The following DPP10 variants were observed in gnomAD, a reference collection of about 807,000 sequenced individuals.
DPP10 encodes the protein inactive dipeptidyl peptidase 10.
A neutral mutation model predicts 120.9 loss-of-function variants in DPP10; 33 were observed. That is an observed-to-expected ratio of 0.27 (90% confidence interval 0.21 to 0.37). The LOEUF (loss-of-function observed/expected upper bound fraction) is 0.37. Among genes scored for constraint, DPP10 ranks in the 10% least tolerant of loss-of-function variants. DPP10 has a pLI of 1.00. For missense variants in DPP10, 816 were observed against 942.8 expected (o/e 0.87, Z 1.76); for synonymous variants, 337 against 326.1 (o/e 1.03, Z -0.36).
At chr2:115,133,145 GTATATATATATATATA>G (rs1246180843) in intron 1 of DPP10, among the ~76,000 whole-genome samples, 1 of 28,760 alleles carries the variant, frequency 3.5e-5, no homozygotes, top group African/African-American at 1.3e-4. Flanking sequence ...GTGTGTGTGT[GTATATATATATATATA>G]TATATATATA....
chr2:114,701,913 C>CT (rs1222095464), intron 1 of DPP10, among the ~76,000 whole-genome samples: 2 of 152,064 alleles, frequency 1.3e-5, no homozygotes, highest in Non-Finnish European at 2.9e-5. Flanking sequence ...CAAATCAGCG[C>CT]AAGCCTAGAG....
chr2:115,327,316 A>C (rs2062427462), intron 2 of DPP10, among the ~76,000 whole-genome samples: 2 of 152,044 alleles, frequency 1.3e-5, no homozygotes, highest in Admixed American at 6.6e-5. Context: ...ATTCCTCAGA[A>C]CATATCCCTG....
In DPP10 at chr2:115,742,567, A is replaced by G. The variant is rs578183958; in HGVS notation, c.852+2674A>G. On this transcript the variant is annotated intron_variant, in intron 9 of 25. Coordinates refer to ENST00000410059, the MANE Select transcript of DPP10 (RefSeq NM_020868.6). ...ACCTGCTCACCTACCCAGGTACTTA[A>G]GACAATAGGACTCTAAGAAAATAAT... 5.3e-5 allele frequency among the ~76,000 whole-genome samples: 8 copies of G among 152,258 alleles called. No homozygotes were observed. In the East Asian group the frequency reaches 1.2e-3, roughly 22 times the overall value.
chr2:115,554,906 C>T (rs1393313049), intron 5 of DPP10, among the ~76,000 whole-genome samples: 2 of 152,066 alleles, frequency 1.3e-5, no homozygotes, highest in Non-Finnish European at 2.9e-5. Flanking sequence ...ACTCCTGACA[C>T]ATTGGGTTGA....
intron 3 of DPP10, among the ~76,000 whole-genome samples, chr2:115,495,045 ACT>A (rs2076320057): frequency 6.6e-6 from 1 of 152,126 alleles, no homozygotes; most frequent in African/African-American, 2.4e-5. Context: ...TTCTCAGAAG[ACT>A]CACAGCATAA....
chr2:114,515,959 C>T (rs1467444517), intron 1 of DPP10, among the ~76,000 whole-genome samples: 1 of 152,114 alleles, frequency 6.6e-6, no homozygotes, highest in African/African-American at 2.4e-5. Flanking sequence ...TCTCTATCTG[C>T]CAAAAGTCTC....
intron 5 of DPP10, among the ~76,000 whole-genome samples, chr2:115,625,016 T>C (rs919737245): frequency 1.3e-5 from 2 of 151,392 alleles, no homozygotes; most frequent in African/African-American, 4.9e-5. Context: ...TTCTCTATCT[T>C]CCCCAGGGAG....
chr2:114,898,003 T>C (rs1023907269), intron 1 of DPP10, among the ~76,000 whole-genome samples: 1 of 152,214 alleles, frequency 6.6e-6, no homozygotes, highest in East Asian at 1.9e-4. Context: ...ACTGGGTGTA[T>C]ACCCAAAGGA....
At chr2:114,805,481 C>T (rs1684645524) in intron 1 of DPP10, among the ~76,000 whole-genome samples, 1 of 152,126 alleles carries the variant, frequency 6.6e-6, no homozygotes, top group Non-Finnish European at 1.5e-5. Context: ...GGTTACCTGT[C>T]CCCTGCAGCA....
At chr2:114,474,138 C>T (rs1462912361) in intron 1 of DPP10, among the ~76,000 whole-genome samples, 2 of 152,098 alleles carry the variant, frequency 1.3e-5, no homozygotes, top group African/African-American at 4.8e-5. Flanking sequence ...TTTATATCTT[C>T]AGTAGAGATA....
intron 2 of DPP10, among the ~76,000 whole-genome samples, chr2:115,316,224 C>G (rs1358749385): frequency 1.3e-5 from 2 of 152,130 alleles, no homozygotes; most frequent in East Asian, 1.9e-4. Context: ...CTGAGTCTTA[C>G]AAGTTGAAGT....
At chr2:114,834,649 C>T (rs1208161149) in intron 1 of DPP10, among the ~76,000 whole-genome samples, 1 of 133,438 alleles carries the variant, frequency 7.5e-6, no homozygotes. Context: ...TATCTACACA[C>T]CTATGTATAT....
chr2:114,522,874 T>A (rs992584261), intron 1 of DPP10, among the ~76,000 whole-genome samples: 2 of 152,146 alleles, frequency 1.3e-5, no homozygotes. Context: ...TGTAAAACTG[T>A]CAGATCTCCT....
At position 115,590,564 on chromosome 2, in the gene DPP10, T is replaced by C. The variant is rs369577414; in HGVS notation, c.441+64592T>C. On this transcript the variant is annotated intron_variant, in intron 5 of 25. Coordinates refer to ENST00000410059, the MANE Select transcript of DPP10 (RefSeq NM_020868.6). The stretch of plus-strand genomic sequence containing the variant: ...TGCCACATTTTCTTAATCCAGTCTA[T>C]CATTGATGGACATTTGGGTTGGTTC... Among the ~76,000 whole-genome samples, 74 of 152,328 alleles carry C rather than the reference T, an allele frequency of 4.9e-4. 2 individuals carry two copies. The East Asian group carries it at 0.014, about 28-fold the overall frequency.
At chr2:114,872,888 G>A (rs758607040) in intron 1 of DPP10, among the ~76,000 whole-genome samples, 104 of 152,202 alleles carry the variant, frequency 6.8e-4, no homozygotes, top group Middle Eastern at 3.4e-3. Context: ...TAAATTACAC[G>A]TTCATTACAA....
At chr2:114,757,414 G>A (rs1396427921) in intron 1 of DPP10, among the ~76,000 whole-genome samples, 10 of 150,500 alleles carry the variant, frequency 6.6e-5, no homozygotes, top group Admixed American at 6.6e-4. Flanking sequence ...GAGAGGGAAG[G>A]AAGGAAGGAA....
At chr2:114,456,958 T>C (rs1230136639) in intron 1 of DPP10, among the ~76,000 whole-genome samples, 1 of 152,178 alleles carries the variant, frequency 6.6e-6, no homozygotes, top group Non-Finnish European at 1.5e-5. Context: ...AAGAAAGCCA[T>C]GGACAAATGT....
rs192676726 is a variant in DPP10, at chr2:115,401,284, A to G, written c.271+57372A>G. 1.5e-3 allele frequency among the ~76,000 whole-genome samples: 229 copies of G among 152,336 alleles called. 1 individual carries two copies. Among genetic ancestry groups the G allele is most frequent in the South Asian group, 8.5e-3 (41 of 4,828 alleles). The stretch of plus-strand genomic sequence containing the variant: ...CTATCCAAATAACTGGGTGATCACT[A>G]AACTATGAAGACATGCTGGAGGGCC... On this transcript the variant is annotated intron_variant, in intron 3 of 25. Coordinates refer to ENST00000410059, the MANE Select transcript of DPP10 (RefSeq NM_020868.6).
At chr2:114,624,721 A>G (rs1573820241) in intron 1 of DPP10, among the ~76,000 whole-genome samples, 2 of 152,092 alleles carry the variant, frequency 1.3e-5, no homozygotes, top group South Asian at 2.1e-4. Flanking sequence ...TATCCATTTT[A>G]AAGTTTTTTG....
Sources: allele counts gnomAD v4.1 joint callset (sites outside exome capture counted in the v4.1 genomes callset), GRCh38; gene constraint gnomAD v4.1.1; transcripts MANE v1.5; gene names NCBI Gene and HGNC (gene_info 2026-07-23, HGNC 2026-07-21).